Variants in MUCL1 observed in about 807,000 individuals in gnomAD.
The protein encoded by MUCL1 is mucin like 1.
Under a neutral mutation model 9.2 loss-of-function variants are expected in MUCL1, and 11 were observed. The observed-to-expected ratio is 1.19, with a 90% CI of 0.75 to 1.97. The LOEUF is 1.97. Among genes scored for constraint, MUCL1 ranks in the 30% most tolerant of loss-of-function variants. MUCL1 has a pLI of 0.00. For synonymous variants in MUCL1, 48 were observed against 40.5 expected (o/e 1.19, Z -0.71); for missense variants, 144 against 110.9 (o/e 1.30, Z -1.34).
upstream of MUCL1, among the ~76,000 whole-genome samples, chr12:54,852,673 G>GTC (rs1431895403): frequency 1.3e-5 from 2 of 152,094 alleles, no homozygotes; most frequent in South Asian, 4.1e-4. Context: ...TGTGTGGTGG[G>GTC]TCTCTGCCTC....
upstream of MUCL1, among the ~76,000 whole-genome samples, chr12:54,838,686 A>C (rs974833411): frequency 1.3e-5 from 2 of 152,002 alleles, no homozygotes; most frequent in Admixed American, 6.6e-5. Flanking sequence ...TTTGAGTTCC[A>C]AAATTCTTCT....
At chr12:54,852,902 C>A (rs957967237), upstream of MUCL1, among the ~76,000 whole-genome samples, 25 of 151,876 alleles carry the variant, frequency 1.6e-4, no homozygotes, top group African/African-American at 6.0e-4. Flanking sequence ...TTTTTCTTAG[C>A]GTTATTTATG....
chr12:54,851,677 G>A (rs1959341975), upstream of MUCL1, among the ~76,000 whole-genome samples: 1 of 152,252 alleles, frequency 6.6e-6, no homozygotes, highest in South Asian at 2.1e-4. Context: ...GGCAGGAGAA[G>A]GAAATAAAGG....
At chr12:54,846,340 T>C (rs1959254227) in intron 1 of MUCL1, among the ~76,000 whole-genome samples, 1 of 152,188 alleles carries the variant, frequency 6.6e-6, no homozygotes, top group Admixed American at 6.5e-5. Context: ...CCCGTCTGCA[T>C]GTTCCTCCTA....
At chr12:54,855,543 G>A in intron 2 of MUCL1, 1 of 214,712 alleles carries the variant, frequency 4.7e-6, no homozygotes, top group Non-Finnish European at 9.6e-6. Context: ...AATTTGAAGT[G>A]ATATGAAAAT....
chr12:54,841,708 G>A (rs187398943), intron 1 of MUCL1, among the ~76,000 whole-genome samples: 2 of 152,246 alleles, frequency 1.3e-5, no homozygotes, highest in East Asian at 3.9e-4. Context: ...ATTTTTAGTT[G>A]TTGATTTTGA....
chr12:54,844,245 A>ATTTT (rs367986327), intron 1 of MUCL1, among the ~76,000 whole-genome samples: 75 of 151,992 alleles, frequency 4.9e-4, no homozygotes, highest in African/African-American at 1.6e-3. Flanking sequence ...GGGGCCCCAG[A>ATTTT]TTTTTTTTAT....
At chr12:54,852,622 T>G (rs146728100), upstream of MUCL1, among the ~76,000 whole-genome samples, 1 of 152,304 alleles carries the variant, frequency 6.6e-6, no homozygotes, top group African/African-American at 2.4e-5. Context: ...ATACATATGT[T>G]TAATCTTTTT....
intron 2 of MUCL1, among the ~76,000 whole-genome samples, chr12:54,855,716 C>T (rs370874232): frequency 9.1e-4 from 138 of 152,316 alleles, no homozygotes; most frequent in Non-Finnish European, 1.2e-3. Flanking sequence ...AGCCTTTAGT[C>T]ATTCTTGGGC....
At chr12:54,852,822 T>C (rs182679212), upstream of MUCL1, among the ~76,000 whole-genome samples, 136 of 152,324 alleles carry the variant, frequency 8.9e-4, 5 homozygotes, top group Admixed American at 2.3e-3. Context: ...AGTATCTGTC[T>C]TTTAAGTCTT....
chr12:54,858,339 T>A lies in MUCL1; in HGVS notation c.*97T>A. The A allele has an allele frequency of 7.3e-7, 1 of 1,374,658 alleles. No homozygotes were observed. Among genetic ancestry groups the A allele is most frequent in the Non-Finnish European group, 1.0e-6 (1 of 970,672 alleles). 85.2% of individuals were successfully genotyped at this position (1,374,658 alleles called of 1,614,324 possible). A position where few individuals can be genotyped will look rare whatever the true frequency, so the allele number is the denominator to read the frequency against. ...TACCTTGCCTACGATATCCCCTTTATCTCTAATCAGTTTATTTTCTTTCAA... is the reference window on the plus strand; with the variant it reads ...TACCTTGCCTACGATATCCCCTTTAACTCTAATCAGTTTATTTTCTTTCAA... On this transcript the variant is annotated 3_prime_UTR_variant, in exon 4 of 4. Coordinates refer to ENST00000308796, the MANE Select transcript of MUCL1 (RefSeq NM_058173.3).
intron 1 of MUCL1, among the ~76,000 whole-genome samples, chr12:54,840,641 T>A (rs1462799354): frequency 6.6e-6 from 1 of 152,196 alleles, no homozygotes; most frequent in East Asian, 1.9e-4. Flanking sequence ...AGCCAGGTTA[T>A]GGCTGGGTCA....
At chr12:54,835,231 C>A (rs1486174102), upstream of MUCL1, among the ~76,000 whole-genome samples, 1 of 152,056 alleles carries the variant, frequency 6.6e-6, no homozygotes, top group Non-Finnish European at 1.5e-5. Flanking sequence ...ACGTATGTGT[C>A]TTTTTGATAT....
At chr12:54,841,969 G>A (rs1592246541) in intron 1 of MUCL1, among the ~76,000 whole-genome samples, 1 of 152,042 alleles carries the variant, frequency 6.6e-6, no homozygotes, top group African/African-American at 2.4e-5. Flanking sequence ...AAGTATTAGA[G>A]CAATTTCTGT....
chr12:54,854,067 C>G, upstream of MUCL1, among the ~76,000 whole-genome samples: 1 of 118,090 alleles, frequency 8.5e-6, no homozygotes, highest in East Asian at 6.6e-4. Context: ...GAATGCACAG[C>G]CTGAGTTACA....
At chr12:54,850,671 G>A (rs542218126), upstream of MUCL1, among the ~76,000 whole-genome samples, 480 of 152,202 alleles carry the variant, frequency 3.2e-3, 1 homozygote, top group African/African-American at 0.01. Flanking sequence ...TTGGGTATAT[G>A]CCCAGTAATG....
chr12:54,858,164 C>A lies in MUCL1; in HGVS notation c.224-29C>A, dbSNP rs769091768. 13 of 1,612,380 alleles carry A rather than the reference C, an allele frequency of 8.1e-6. No homozygotes were observed. The Admixed American group carries it at 1.0e-4, about 12-fold the overall frequency. ...CCACATTCTTCATCCTTTGTCGAAG[C>A]CCCTTGACAATATTTTTTTCTCTTG... On this transcript the variant is annotated intron_variant, in intron 3 of 3. Transcript: ENST00000308796.
At chr12:54,831,787 A>G (rs1481665516) in intron 1 of MUCL1, among the ~76,000 whole-genome samples, 2 of 152,118 alleles carry the variant, frequency 1.3e-5, no homozygotes, top group African/African-American at 4.8e-5. Context: ...TTATACTATG[A>G]GGAAGCATAT....
At chr12:54,844,651 C>T (rs1431637947) in intron 1 of MUCL1, among the ~76,000 whole-genome samples, 1 of 152,160 alleles carries the variant, frequency 6.6e-6, no homozygotes, top group Non-Finnish European at 1.5e-5. Context: ...AGAGTTTTGC[C>T]AATTTCTCCC....
Sources: allele counts gnomAD v4.1 joint callset (sites outside exome capture counted in the v4.1 genomes callset), GRCh38; gene constraint gnomAD v4.1.1; transcripts MANE v1.5; gene names NCBI Gene and HGNC (gene_info 2026-07-23, HGNC 2026-07-21).